NECTIN3: variants seen among roughly 807,000 people sequenced by gnomAD.
The protein encoded by NECTIN3 is nectin-3.
NECTIN3 carries 8 observed loss-of-function variants against 49.4 expected under a neutral mutation model. The observed-to-expected ratio is 0.16, with a 90% CI of 0.10 to 0.29. The LOEUF (loss-of-function observed/expected upper bound fraction) is 0.29, where lower values mean the gene tolerates loss of function less well. Ranked by LOEUF, NECTIN3 falls within the 10% of genes least tolerant of loss-of-function variation. NECTIN3 has a pLI of 1.00. For missense variants in NECTIN3, 581 were observed against 654.6 expected, an observed-to-expected ratio of 0.89 and a Z score of 1.23; for synonymous variants, 277 against 241.1, an observed-to-expected ratio of 1.15 and a Z score of -1.38.
chr3:111,154,147 T>C (rs1216019396), intron 7 of NECTIN3, among the ~76,000 whole-genome samples: 2 of 152,144 alleles, frequency 1.3e-5, no homozygotes, highest in Admixed American at 1.3e-4. Flanking sequence ...TAGTGTCCCT[T>C]TGTAATCTCC....
At chr3:111,167,851 G>T (rs557246833) in intron 7 of NECTIN3, among the ~76,000 whole-genome samples, 1 of 152,142 alleles carries the variant, frequency 6.6e-6, no homozygotes, top group Non-Finnish European at 1.5e-5. Flanking sequence ...GATTAGGACA[G>T]CATTATAATC....
In NECTIN3 at chr3:111,134,431, CAA is replaced by C. The variant is rs1286611797; in HGVS notation, c.*217_*218del. 24 of 1,221,556 alleles carry C rather than the reference CAA, an allele frequency of 2.0e-5. No individual in the cohort carries two copies. The highest frequency in any genetic ancestry group is 4.0e-5 in the Admixed American group (1 of 24,708). 75.7% of individuals were successfully genotyped at this position (1,221,556 alleles called of 1,614,324 possible). A position where few individuals can be genotyped will look rare whatever the true frequency, so the allele number is the denominator to read the frequency against. On this transcript the variant is annotated 3_prime_UTR_variant, in exon 6 of 6. Coordinates refer to ENST00000485303, the MANE Select transcript of NECTIN3 (RefSeq NM_015480.3). ...TTTTTTCAATGCTGTACTACTGTCTCAAGATTTAAATTTTAATGCAGAGTACT... is the reference window on the plus strand; with the variant it reads ...TTTTTTCAATGCTGTACTACTGTCTCGATTTAAATTTTAATGCAGAGTACT...
At chr3:111,187,368 T>C (rs367988348), upstream of NECTIN3, among the ~76,000 whole-genome samples, 2 of 152,174 alleles carry the variant, frequency 1.3e-5, no homozygotes, top group Non-Finnish European at 2.9e-5. Flanking sequence ...GTACCACTAC[T>C]CTCCAGCCTG....
At chr3:111,084,277 G>T (rs2031799925) in intron 1 of NECTIN3, among the ~76,000 whole-genome samples, 1 of 151,552 alleles carries the variant, frequency 6.6e-6, no homozygotes, top group African/African-American at 2.4e-5. Flanking sequence ...ACTTAGGATA[G>T]AACCTGTGGT....
At chr3:111,083,426 T>C (rs2031746615) in intron 1 of NECTIN3, among the ~76,000 whole-genome samples, 3 of 152,160 alleles carry the variant, frequency 2.0e-5, no homozygotes, top group East Asian at 3.9e-4. Context: ...AGCCTCATGA[T>C]GTGATTAGTG....
chr3:111,168,007 A>T (rs1042161858), intron 7 of NECTIN3, among the ~76,000 whole-genome samples: 9 of 152,112 alleles, frequency 5.9e-5, no homozygotes, highest in Admixed American at 2.0e-4. Context: ...TGTTGTGCTT[A>T]ACCAGTTGAG....
intron 1 of NECTIN3, among the ~76,000 whole-genome samples, chr3:111,088,715 A>G (rs2032079926): frequency 6.6e-6 from 1 of 152,132 alleles, no homozygotes; most frequent in Non-Finnish European, 1.5e-5. Flanking sequence ...ATCCTTTATT[A>G]TATCACTGGA....
intron 7 of NECTIN3, among the ~76,000 whole-genome samples, chr3:111,167,855 T>C (rs577135344): frequency 4.6e-5 from 7 of 152,316 alleles, no homozygotes; most frequent in African/African-American, 1.7e-4. Flanking sequence ...AGGACAGCAT[T>C]ATAATCTTAG....
intron 7 of NECTIN3, among the ~76,000 whole-genome samples, chr3:111,181,404 A>C (rs557602837): frequency 6.6e-6 from 1 of 152,264 alleles, no homozygotes; most frequent in African/African-American, 2.4e-5. Flanking sequence ...GGATGTTGTG[A>C]AGAAAAAAAC....
At chr3:111,148,280 A>G (rs888045146) in intron 7 of NECTIN3, among the ~76,000 whole-genome samples, 5 of 152,302 alleles carry the variant, frequency 3.3e-5, no homozygotes, top group East Asian at 1.9e-4. Context: ...TGTTTCTGCC[A>G]AGATGTTCTC....
chr3:111,149,882 C>T (rs2034963946), intron 7 of NECTIN3, among the ~76,000 whole-genome samples: 1 of 151,792 alleles, frequency 6.6e-6, no homozygotes, highest in African/African-American at 2.4e-5. Flanking sequence ...TATAGAATTT[C>T]CTTGCATTAA....
In NECTIN3 at chr3:111,134,142, A is replaced by G; in HGVS notation, c.1577A>G (p.Tyr526Cys). 1 of 1,612,734 alleles carries G rather than the reference A, an allele frequency of 6.2e-7. No homozygotes were observed. Among genetic ancestry groups the G allele is most frequent in the East Asian group, 2.2e-5 (1 of 44,842 alleles). ...MGMKFVSDEH[Y>C]DENEDDLVSH... ...ATGAAGTTTGTCAGTGATGAACATT[A>G]TGATGAAAACGAAGATGACTTAGTT... The change falls in exon 6 of 6, where the codon TAT (tyrosine) becomes TGT (cysteine). Residue 526 changes from tyrosine to cysteine, a missense_variant. This residue lies in a region of NECTIN3 where 238 missense variants were observed against 244.9 expected (regional missense o/e 0.97). Transcript: ENST00000485303.
At position 111,133,722 on chromosome 3, in the gene NECTIN3, A is replaced by C. The variant is rs750085968; in HGVS notation, c.1157A>C (p.Lys386Thr). ...GAGGATCTAGCAACAGAACCTAAAA[A>C]ATTGCCCTTCCCATTGTCAACTTTG... is the stretch of plus-strand genomic sequence containing the variant. ...DIEDLATEPKKLPFPLSTLAT... is the reference protein window; with the variant it reads ...DIEDLATEPKTLPFPLSTLAT... The change falls in exon 6 of 6, where the codon AAA (lysine) becomes ACA (threonine). Residue 386 changes from lysine (K) to threonine (T), a missense_variant. Physicochemically the swap from Lys to Thr is moderately conservative, Grantham distance 78. Around this residue, in one of 3 missense-constraint regions of NECTIN3, gnomAD observed 238 missense variants for 244.9 expected, o/e 0.97. Coordinates refer to ENST00000485303, the MANE Select transcript of NECTIN3 (RefSeq NM_015480.3). 6.2e-7 allele frequency: 1 copy of C among 1,613,930 alleles called. No homozygotes were observed. The highest frequency in any genetic ancestry group is 1.7e-5 in the Admixed American group (1 of 59,988).
intron 7 of NECTIN3, among the ~76,000 whole-genome samples, chr3:111,177,004 C>T (rs946384866): frequency 6.6e-6 from 1 of 152,024 alleles, no homozygotes; most frequent in African/African-American, 2.4e-5. Flanking sequence ...TTTAGGCGGC[C>T]TTTTCTGTTT....
chr3:111,088,264 G>A (rs1473724244), intron 1 of NECTIN3, among the ~76,000 whole-genome samples: 1 of 152,134 alleles, frequency 6.6e-6, no homozygotes, highest in African/African-American at 2.4e-5. Context: ...GCTTCCCATT[G>A]CCATGTGATC....
At position 111,134,125 on chromosome 3, in the gene NECTIN3, T is replaced by C. The variant is rs754057473; in HGVS notation, c.1560T>C (p.Phe520=). Residue 520 remains phenylalanine, a synonymous_variant, in exon 6 of 6, where the codon TTT becomes TTC. Transcript: ENST00000485303. ...YYEDLKMGMK[F]VSDEHYDENE... is the part of the protein sequence containing the mutation. ...AAGATCTAAAAATGGGAATGAAGTT[T>C]GTCAGTGATGAACATTATGATGAAA... 22 of 1,613,454 alleles carry C rather than the reference T, an allele frequency of 1.4e-5. 1 individual carries two copies. The highest frequency in any genetic ancestry group is 4.5e-5 in the East Asian group (2 of 44,840).
chr3:111,088,427 C>A (rs2032060448), intron 1 of NECTIN3, among the ~76,000 whole-genome samples: 1 of 152,144 alleles, frequency 6.6e-6, no homozygotes, highest in Admixed American at 6.6e-5. Context: ...GGTATTCCTT[C>A]ATTGCAACAC....
chr3:111,107,712 T>C (rs2033246071), intron 1 of NECTIN3, among the ~76,000 whole-genome samples: 1 of 152,172 alleles, frequency 6.6e-6, no homozygotes, highest in Non-Finnish European at 1.5e-5. Flanking sequence ...GAAGTAGTAG[T>C]AGGCTTAAAG....
At chr3:111,128,881 G>C (rs1045151289) in intron 5 of NECTIN3, among the ~76,000 whole-genome samples, 2 of 152,068 alleles carry the variant, frequency 1.3e-5, no homozygotes, top group South Asian at 2.1e-4. Flanking sequence ...AGCAGCTAGG[G>C]TAGTTCTTTT....
Sources: allele counts gnomAD v4.1 joint callset (sites outside exome capture counted in the v4.1 genomes callset), GRCh38; gene constraint gnomAD v4.1.1; regional missense constraint gnomAD v4.1.1; transcripts MANE v1.5; gene names NCBI Gene and HGNC (gene_info 2026-07-23, HGNC 2026-07-21).